MARCHF10: variants seen among roughly 807,000 people sequenced by gnomAD.
The protein encoded by MARCHF10 is probable E3 ubiquitin-protein ligase MARCHF10.
MARCHF10 carries 64 observed loss-of-function variants against 76.2 expected under a neutral mutation model. The ratio of observed to expected loss-of-function variants is 0.84; its 90% CI spans 0.69 to 1.03. The LOEUF (loss-of-function observed/expected upper bound fraction) is 1.03. Among genes scored for constraint, MARCHF10 ranks in the 50% least tolerant of loss-of-function variants. MARCHF10 has a pLI of 0.00. For missense variants in MARCHF10, 875 were observed against 958.0 expected (o/e 0.91, Z 1.14); for synonymous variants, 340 against 357.5 (o/e 0.95, Z 0.55).
intron 2 of MARCHF10, among the ~76,000 whole-genome samples, chr17:62,792,815 CACCACCACCTCCACT>C: frequency 2.0e-5 from 3 of 146,992 alleles, no homozygotes; most frequent in Admixed American, 6.7e-5. Context: ...CCATCACCAC[CACCACCACCTCCACT>C]GCCACCACCA....
At chr17:62,804,394 A>G (rs1452295071) in intron 1 of MARCHF10, among the ~76,000 whole-genome samples, 1 of 152,058 alleles carries the variant, frequency 6.6e-6, no homozygotes, top group Non-Finnish European at 1.5e-5. Flanking sequence ...CAGGGACAAA[A>G]CCTCGTGAAG....
chr17:62,796,040 T>A (rs2092979461), intron 2 of MARCHF10, among the ~76,000 whole-genome samples: 1 of 151,824 alleles, frequency 6.6e-6, no homozygotes, highest in Non-Finnish European at 1.5e-5. Flanking sequence ...AGTCTTACTC[T>A]GTCGCTGAGG....
chr17:62,792,170 C>T (rs866853397), intron 2 of MARCHF10, among the ~76,000 whole-genome samples: 12 of 151,922 alleles, frequency 7.9e-5, no homozygotes, highest in Non-Finnish European at 1.6e-4. Context: ...CATACGTAGT[C>T]GGGCTGCCTT....
At chr17:62,752,007 A>G (rs1466522494) in intron 4 of MARCHF10, among the ~76,000 whole-genome samples, 1 of 151,206 alleles carries the variant, frequency 6.6e-6, no homozygotes, top group African/African-American at 2.4e-5. Flanking sequence ...GTGACAGAGC[A>G]AGACTCCATC....
intron 6 of MARCHF10, among the ~76,000 whole-genome samples, chr17:62,730,560 T>C (rs1446481953): frequency 6.6e-6 from 1 of 152,054 alleles, no homozygotes; most frequent in Non-Finnish European, 1.5e-5. Context: ...GGAGTATGTA[T>C]TGTTATTTCT....
Position 62,738,850 on chromosome 17 carries a change from T to C in MARCHF10, c.536-1518A>G, listed in dbSNP as rs1203185830. On this transcript the variant is annotated intron_variant, in intron 5 of 10. Transcript: ENST00000311269. The surrounding 1 kb of genome is among the most constrained non-coding windows in gnomAD (Gnocchi z 4.0). The stretch of plus-strand genomic sequence containing the variant: ...CCTCCTGGGTTTTATAAACCCCAGT[T>C]AGAGATGCAGCAGCAATTCAAGGAT... Among the ~76,000 whole-genome samples the C allele has an allele frequency of 1.3e-5, 2 of 152,214 alleles. No homozygotes were observed. Among genetic ancestry groups the C allele is most frequent in the Non-Finnish European group, 2.9e-5 (2 of 68,036 alleles).
intron 3 of MARCHF10, among the ~76,000 whole-genome samples, chr17:62,773,914 G>A (rs1271729351): frequency 6.6e-6 from 1 of 152,228 alleles, no homozygotes; most frequent in Non-Finnish European, 1.5e-5. Context: ...CAGTGGCCTG[G>A]ATATGAGGCA....
intron 1 of MARCHF10, chr17:62,806,487 G>A (rs1244465152): frequency 1.3e-5 from 2 of 152,198 alleles, no homozygotes; most frequent in Non-Finnish European, 2.9e-5. Flanking sequence ...TCTGTTTTAA[G>A]TCTTTCTGGT....
chr17:62,758,745 G>C (rs961197510), intron 4 of MARCHF10, among the ~76,000 whole-genome samples: 8 of 152,222 alleles, frequency 5.3e-5, no homozygotes, highest in African/African-American at 1.9e-4. Context: ...TTGCACCGCA[G>C]AAGCTATTTA....
chr17:62,783,146 T>C lies in MARCHF10; in HGVS notation c.210+5334A>G, dbSNP rs193049546. Among the ~76,000 whole-genome samples, 550 of 150,098 alleles carry C rather than the reference T, an allele frequency of 3.7e-3. 2 individuals are homozygous for C. The highest frequency in any genetic ancestry group is 0.011 in the South Asian group (53 of 4,774). ...GACACACTGAGGGACAGTGTCATAGTGCAAACATAAAATATCCTGTCCTCA... is the reference window on the plus strand; with the variant it reads ...GACACACTGAGGGACAGTGTCATAGCGCAAACATAAAATATCCTGTCCTCA... On this transcript the variant is annotated intron_variant, in intron 3 of 10. Coordinates refer to ENST00000311269, the MANE Select transcript of MARCHF10 (RefSeq NM_152598.4).
chr17:62,742,685 CCTTT>C (rs1395897385), intron 5 of MARCHF10, among the ~76,000 whole-genome samples: 18 of 126,010 alleles, frequency 1.4e-4, no homozygotes, highest in Admixed American at 4.3e-4. Flanking sequence ...TTCCTTCCTT[CCTTT>C]CTTTTTTCTT....
At chr17:62,760,718 C>G (rs1401514771) in intron 3 of MARCHF10, among the ~76,000 whole-genome samples, 1 of 152,210 alleles carries the variant, frequency 6.6e-6, no homozygotes, top group African/African-American at 2.4e-5. Context: ...TATCAGAAAC[C>G]TGGTCTTAAA....
intron 8 of MARCHF10, among the ~76,000 whole-genome samples, chr17:62,719,775 C>T (rs1262542198): frequency 6.6e-6 from 1 of 152,106 alleles, no homozygotes; most frequent in Non-Finnish European, 1.5e-5. Flanking sequence ...TCTTTATTCT[C>T]CTTCTGGGTA....
intron 2 of MARCHF10, among the ~76,000 whole-genome samples, chr17:62,791,362 A>C (rs926336864): frequency 2.6e-5 from 4 of 152,254 alleles, no homozygotes; most frequent in Non-Finnish European, 5.9e-5. Context: ...TGATGGGCTG[A>C]AAGTGGAGGA....
intron 9 of MARCHF10, among the ~76,000 whole-genome samples, chr17:62,705,827 C>T (rs528871978): frequency 1.3e-5 from 2 of 152,224 alleles, no homozygotes; most frequent in South Asian, 2.1e-4. Context: ...AATTTGGCAG[C>T]GAGAACAGAC....
At chr17:62,781,276 C>A (rs2092653759) in intron 3 of MARCHF10, among the ~76,000 whole-genome samples, 1 of 152,188 alleles carries the variant, frequency 6.6e-6, no homozygotes, top group South Asian at 2.1e-4. Flanking sequence ...CCTGTTGGAG[C>A]ATCACTTGCA....
chr17:62,704,330 G>T (rs578061436), intron 10 of MARCHF10, among the ~76,000 whole-genome samples: 1 of 152,084 alleles, frequency 6.6e-6, no homozygotes, highest in African/African-American at 2.4e-5. Context: ...TGGAGGCCCG[G>T]GGGGGCGAGG....
At chr17:62,796,183 T>C (rs1200399620) in intron 2 of MARCHF10, among the ~76,000 whole-genome samples, 1 of 152,060 alleles carries the variant, frequency 6.6e-6, no homozygotes, top group East Asian at 1.9e-4. Context: ...TTTGTATTTT[T>C]AGTAGAGACA....
At chr17:62,729,270 A>G (rs1351387113) in intron 6 of MARCHF10, among the ~76,000 whole-genome samples, 2 of 151,962 alleles carry the variant, frequency 1.3e-5, no homozygotes, top group East Asian at 3.9e-4. Flanking sequence ...TGTATTTTAT[A>G]TATGTATGCC....
Sources: allele counts gnomAD v4.1 joint callset (sites outside exome capture counted in the v4.1 genomes callset), GRCh38; gene constraint gnomAD v4.1.1; non-coding constraint Gnocchi (gnomAD v3.1); transcripts MANE v1.5; gene names NCBI Gene and HGNC (gene_info 2026-07-23, HGNC 2026-07-21).